KCTD15: variants seen among roughly 807,000 people sequenced by gnomAD.
The protein encoded by KCTD15 is BTB/POZ domain-containing protein KCTD15.
In KCTD15, 11 loss-of-function variants were observed where a neutral mutation model predicts 27.2. The ratio of observed to expected loss-of-function variants is 0.41; its 90% confidence interval spans 0.25 to 0.67. The LOEUF (loss-of-function observed/expected upper bound fraction) is 0.67, where lower values mean the gene tolerates loss of function less well. Ranked by LOEUF, KCTD15 falls within the 30% of genes least tolerant of loss-of-function variation. The probability of loss-of-function intolerance (pLI) is 0.35; values close to 1 mark genes in which losing one functional copy is unlikely to be tolerated. For missense variants in KCTD15, 350 were observed against 409.3 expected (o/e 0.86, Z 1.25); for synonymous variants, 163 against 176.0 (o/e 0.93, Z 0.58).
chr19:33,811,183 C>A, intron 5 of KCTD15, 64 bp from the exon 6 acceptor site: 82 of 833,690 alleles, frequency 9.8e-5, no homozygotes, highest in East Asian at 2.5e-4. Flanking sequence ...CGCCTCCCCT[C>A]TCCCCCTTCC....
At chr19:33,796,353 G>C (rs1247566185), upstream of KCTD15, 1 of 150,748 alleles carries the variant, frequency 6.6e-6, no homozygotes, top group Non-Finnish European at 1.5e-5. Flanking sequence ...GCCCCGGCGG[G>C]AAGGCGCGGG....
At chr19:33,797,305 T>C in intron 1 of KCTD15, 1 of 383,350 alleles carries the variant, frequency 2.6e-6, no homozygotes. Flanking sequence ...CGCGCGCGCT[T>C]GTGGAGGTCC....
At chr19:33,804,082 T>G (rs1380962548) in intron 4 of KCTD15, among the ~76,000 whole-genome samples, 1 of 152,180 alleles carries the variant, frequency 6.6e-6, no homozygotes, top group Non-Finnish European at 1.5e-5. Flanking sequence ...CTGACAGAGC[T>G]GGGAACTCAT....
At chr19:33,799,218 A>G (rs956103252) in intron 2 of KCTD15, among the ~76,000 whole-genome samples, 18 of 152,118 alleles carry the variant, frequency 1.2e-4, no homozygotes, top group Non-Finnish European at 2.4e-4. Flanking sequence ...TTGCCCGGGC[A>G]CTCAGGGAGA....
intron 1 of KCTD15, chr19:33,798,278 G>C (rs1482320561): frequency 1.3e-5 from 1 of 79,864 alleles, no homozygotes; most frequent in East Asian, 2.1e-4. Flanking sequence ...GCAAAGAAGC[G>C]ACTTCAGAAG....
At chr19:33,807,176 T>C (rs1332577596) in intron 5 of KCTD15, among the ~76,000 whole-genome samples, 169 bp downstream of exon 5, 1 of 152,248 alleles carries the variant, frequency 6.6e-6, no homozygotes, top group Admixed American at 6.5e-5. Flanking sequence ...TTCTCACATT[T>C]TTAGCTTATT....
chr19:33,794,804 T>C (rs1269392380), upstream of KCTD15, among the ~76,000 whole-genome samples: 1 of 152,248 alleles, frequency 6.6e-6, no homozygotes, highest in South Asian at 2.1e-4. Flanking sequence ...GGGATGTGCA[T>C]TGATGGAGGG....
intron 5 of KCTD15, among the ~76,000 whole-genome samples, chr19:33,810,526 A>T (rs1210731352): frequency 6.6e-6 from 1 of 152,104 alleles, no homozygotes; most frequent in African/African-American, 2.4e-5. Flanking sequence ...CTAAAAACAT[A>T]AAAGTTAGCC....
chr19:33,795,334 C>G (rs919149217), upstream of KCTD15, among the ~76,000 whole-genome samples: 3 of 152,184 alleles, frequency 2.0e-5, no homozygotes, highest in Non-Finnish European at 4.4e-5. Flanking sequence ...GCTCTCTCCA[C>G]GCGCGCGAGG....
At position 33,813,614 on chromosome 19, in the gene KCTD15, G is replaced by A. The variant is rs1976004002; in HGVS notation, c.*666G>A. The A allele has an allele frequency of 6.6e-5, 22 of 335,792 alleles. No homozygotes were observed. Among genetic ancestry groups the A allele is most frequent in the South Asian group, 4.9e-4 (22 of 45,134 alleles). The allele number at this position is 335,792 out of a possible 1,614,324, so 20.8% of individuals were successfully genotyped here. ...GCTGAGTGATTCTGTAACCACCTGA[G>A]ACCTTCACGTTTGCTGCCGTTGGGG... On this transcript the variant is annotated 3_prime_UTR_variant, in exon 7 of 7. Transcript: ENST00000683859.
At chr19:33,807,677 G>A (rs35393341) in intron 5 of KCTD15, among the ~76,000 whole-genome samples, 39,633 of 152,138 alleles carry the variant, frequency 0.26, 6,420 homozygotes, top group Middle Eastern at 0.45. Context: ...CCGAGATTGC[G>A]CCACTGCACT....
rs973830390 is a variant in KCTD15, at chr19:33,806,938, T to C, written c.318T>C (p.Asp106=). 4 of 1,613,962 alleles carry C rather than the reference T, an allele frequency of 2.5e-6. No homozygotes were observed. The highest frequency in any genetic ancestry group is 3.4e-6 in the Non-Finnish European group (4 of 1,180,012). ...AGCAACATTATTTCATTGACCGGGA[T>C]GGGGAGATTTTCCGCTACGTCCTGA... ...SLKQHYFIDR[D]GEIFRYVLSF... is the part of the protein sequence containing the mutation. The change falls in exon 5 of 7, where the codon GAT becomes GAC. Residue 106 remains aspartate (D), a synonymous_variant. Transcript: ENST00000683859.
At chr19:33,797,261 TG>T in intron 1 of KCTD15, 1 of 266,472 alleles carries the variant, frequency 3.8e-6, no homozygotes, top group East Asian at 9.8e-5. Context: ...TGTGTGTGTG[TG>T]TGTGTGTGTG....
At chr19:33,802,550 T>C (rs1975591533) in intron 4 of KCTD15, among the ~76,000 whole-genome samples, 1 of 152,108 alleles carries the variant, frequency 6.6e-6, no homozygotes, top group Non-Finnish European at 1.5e-5. Context: ...AGGGTACAGA[T>C]GGTGACTGGT....
chr19:33,809,958 C>T (rs1975837965), intron 5 of KCTD15, among the ~76,000 whole-genome samples: 1 of 152,208 alleles, frequency 6.6e-6, no homozygotes, highest in Non-Finnish European at 1.5e-5. Flanking sequence ...TTGCATGGGG[C>T]AGGAGAGGCA....
At chr19:33,807,895 G>A (rs143158943) in intron 5 of KCTD15, among the ~76,000 whole-genome samples, 3 of 151,548 alleles carry the variant, frequency 2.0e-5, no homozygotes, top group South Asian at 2.1e-4. Context: ...GCAGTGAGCC[G>A]AGATCACGTC....
At position 33,812,854 on chromosome 19, in the gene KCTD15, C is replaced by T. The variant is rs2145501183; in HGVS notation, c.758C>T (p.Ser253Phe). The change falls in exon 7 of 7, where the codon TCC becomes TTC. Residue 253 changes from serine to phenylalanine, a missense_variant. Coordinates refer to ENST00000683859, the MANE Select transcript of KCTD15 (RefSeq NM_001129994.2). The part of the protein sequence containing the change: ...VAASCGGGVD[S>F]SQFSEYVLCR... ...GCGTCCTGTGGGGGCGGTGTGGACT[C>T]CTCCCAGTTCAGCGAGTATGTGCTT... 6.5e-7 allele frequency: 1 copy of T among 1,543,474 alleles called. No individual in the cohort carries two copies. Among genetic ancestry groups the T allele is most frequent in the East Asian group, 2.5e-5 (1 of 40,666 alleles).
chr19:33,794,859 T>C (rs1418564793), upstream of KCTD15, among the ~76,000 whole-genome samples: 1 of 152,248 alleles, frequency 6.6e-6, no homozygotes, highest in African/African-American at 2.4e-5. Flanking sequence ...GCCACAAAGC[T>C]GGGCTGACCT....
At chr19:33,795,589 CA>C, upstream of KCTD15, among the ~76,000 whole-genome samples, 1 of 152,084 alleles carries the variant, frequency 6.6e-6, no homozygotes, top group Non-Finnish European at 1.5e-5. Flanking sequence ...GGCGGGGGCG[CA>C]GTGCCGGCCA....
Sources: allele counts gnomAD v4.1 joint callset (sites outside exome capture counted in the v4.1 genomes callset), GRCh38; gene constraint gnomAD v4.1.1; transcripts MANE v1.5; gene names NCBI Gene and HGNC (gene_info 2026-07-23, HGNC 2026-07-21).